The following ABR variants were observed in gnomAD, a reference collection of about 807,000 sequenced individuals.
ABR encodes the protein ABR activator of RhoGEF and GTPase, also known as active breakpoint cluster region-related protein.
ABR carries 35 observed loss-of-function variants against 107.2 expected under a neutral mutation model. The ratio of observed to expected loss-of-function variants is 0.33; its 90% CI spans 0.25 to 0.43. The LOEUF (loss-of-function observed/expected upper bound fraction) is 0.43. Among genes scored for constraint, ABR ranks in the 20% least tolerant of loss-of-function variants. The pLI is 1.00. For synonymous variants in ABR, 498 were observed against 462.0 expected, an observed-to-expected ratio of 1.08 and a Z score of -1.00; for missense variants, 815 against 1,115.2, an observed-to-expected ratio of 0.73 and a Z score of 3.83.
At chr17:1,175,874 G>A (rs901669453) in intron 1 of ABR, among the ~76,000 whole-genome samples, 15 of 151,948 alleles carry the variant, frequency 9.9e-5, no homozygotes, top group African/African-American at 2.9e-4. Context: ...GGTGGATCAC[G>A]AGGTCAGGAG....
At chr17:1,153,211 C>T (rs1402264932) in intron 1 of ABR, among the ~76,000 whole-genome samples, 1 of 152,240 alleles carries the variant, frequency 6.6e-6, no homozygotes, top group Admixed American at 6.5e-5. Context: ...CCCACCATAC[C>T]CCTTCCCCCA....
At chr17:1,223,324 C>CACACACACACA (rs1256655837) in intron 1 of ABR, among the ~76,000 whole-genome samples, 4 of 151,950 alleles carry the variant, frequency 2.6e-5, no homozygotes, top group African/African-American at 9.7e-5. Flanking sequence ...CACACACACA[C>CACACACACACA]ACAGAGACAC....
chr17:1,091,538 G>T, intron 4 of ABR, 127 bp downstream of exon 4: 1 of 1,096,794 alleles, frequency 9.1e-7, no homozygotes, highest in Non-Finnish European at 1.3e-6. Context: ...CCTTCCTCCC[G>T]GACTCGGAGA....
At chr17:1,075,571 C>T (rs1026620606) in intron 6 of ABR, among the ~76,000 whole-genome samples, 2 of 139,132 alleles carry the variant, frequency 1.4e-5, no homozygotes, top group Non-Finnish European at 3.0e-5. Flanking sequence ...ACTGGGGGAG[C>T]GGTTAAAAGA....
intron 3 of ABR, 21 bp from the exon 4 acceptor site, chr17:1,091,871 A>G: frequency 6.2e-7 from 1 of 1,607,622 alleles, no homozygotes. Context: ...CAGAGGAAGA[A>G]AGAGCAGAGG....
At chr17:1,223,923 C>T (rs1037508321) in intron 1 of ABR, among the ~76,000 whole-genome samples, 3 of 152,162 alleles carry the variant, frequency 2.0e-5, no homozygotes, top group Non-Finnish European at 4.4e-5. Flanking sequence ...GTGGGGATGA[C>T]AATTCGAGAT....
Position 1,157,661 on chromosome 17 carries a change from G to A in ABR, c.61+22006C>T, listed in dbSNP as rs1002002737. Among the ~76,000 whole-genome samples the A allele has an allele frequency of 4.6e-5, 7 of 152,260 alleles. No homozygotes were observed. Among genetic ancestry groups the A allele is most frequent in the Non-Finnish European group, 5.9e-5 (4 of 68,040 alleles). On this transcript the variant is annotated intron_variant, in intron 1 of 22. Transcript: ENST00000302538. This position sits in a 1 kb window ranked among gnomAD's most constrained non-coding sequence, Gnocchi z 4.7. ...CTGCTGGAACACGCCCAGCGGAACA[G>A]GGGGAAGCCAACAATCCCGGCAGAT...
chr17:1,108,589 G>A (rs2038416366), intron 2 of ABR, among the ~76,000 whole-genome samples: 1 of 152,272 alleles, frequency 6.6e-6, no homozygotes, highest in Non-Finnish European at 1.5e-5. Flanking sequence ...CTGGGAAGAG[G>A]GTGGCCCCTC....
At chr17:1,076,731 G>C (rs1342769245) in intron 6 of ABR, among the ~76,000 whole-genome samples, 1 of 135,740 alleles carries the variant, frequency 7.4e-6, no homozygotes, top group Admixed American at 6.9e-5. Flanking sequence ...GGTGGGGGTG[G>C]GGGGGGTGGC....
intron 1 of ABR, among the ~76,000 whole-genome samples, chr17:1,163,021 G>A (rs1008707322): frequency 4.6e-5 from 7 of 152,296 alleles, no homozygotes; most frequent in African/African-American, 1.2e-4. Flanking sequence ...GCAGTGAGCC[G>A]AGATCCTGCC....
chr17:1,163,256 T>C (rs559328530), intron 1 of ABR, among the ~76,000 whole-genome samples: 1 of 152,350 alleles, frequency 6.6e-6, no homozygotes. Flanking sequence ...TTAGCTATTA[T>C]CACTGGCCAC....
chr17:1,145,971 C>A (rs116630568), intron 1 of ABR, among the ~76,000 whole-genome samples: 1,719 of 152,304 alleles, frequency 0.011, 22 homozygotes, highest in African/African-American at 0.04. Flanking sequence ...CTTCCTGGGC[C>A]TTAAACATAA....
rs138931698 is a variant in ABR at position 1,095,008 on chromosome 17, G to A, written c.346-3158C>T. On this transcript the variant is annotated intron_variant, in intron 3 of 22. Transcript: ENST00000302538. ...AACTAGCTTCAGGATTGACATCGTC[G>A]TAAGAGTTTATCCTTTTCACCTCAA... is the stretch of plus-strand genomic sequence containing the variant. Among the ~76,000 whole-genome samples the A allele has an allele frequency of 6.1e-3, 923 of 152,324 alleles. 9 individuals carry two copies. Among genetic ancestry groups the A allele is most frequent in the African/African-American group, 0.021 (856 of 41,564 alleles).
chr17:1,161,761 G>A (rs1227543029), intron 1 of ABR, among the ~76,000 whole-genome samples: 1 of 151,450 alleles, frequency 6.6e-6, no homozygotes, highest in Non-Finnish European at 1.5e-5. Context: ...CACCATGTTG[G>A]CCAGGCTGGT....
At chr17:1,159,286 GGT>G (rs2041170843) in intron 1 of ABR, among the ~76,000 whole-genome samples, 1 of 14,096 alleles carries the variant, frequency 7.1e-5, no homozygotes, top group African/African-American at 4.3e-4. Flanking sequence ...ACACGGGAGA[GGT>G]AAGAATGCGG....
At chr17:1,079,960 C>A (rs1278982271) in intron 5 of ABR, among the ~76,000 whole-genome samples, 3 of 152,116 alleles carry the variant, frequency 2.0e-5, no homozygotes, top group Middle Eastern at 6.8e-3. Flanking sequence ...CTCCAGGTCC[C>A]AGAGATGAGA....
intron 1 of ABR, among the ~76,000 whole-genome samples, chr17:1,168,871 C>T (rs1173613927): frequency 1.3e-5 from 2 of 152,248 alleles, no homozygotes; most frequent in East Asian, 3.8e-4. Context: ...GAAGATTCTA[C>T]ACCCAAAGAT....
intron 1 of ABR, among the ~76,000 whole-genome samples, chr17:1,145,132 TG>T (rs1291563740): frequency 3.0e-4 from 45 of 152,304 alleles, no homozygotes; most frequent in African/African-American, 1.1e-3. Context: ...CCCCGCGAGG[TG>T]GTGGCCCTCT....
intron 2 of ABR, among the ~76,000 whole-genome samples, chr17:1,104,815 C>A (rs1277310740): frequency 2.0e-5 from 3 of 152,104 alleles, no homozygotes; most frequent in Admixed American, 2.0e-4. Flanking sequence ...TTCCAGTGGC[C>A]CCTCTCTCCT....
Sources: gnomAD v4.1 joint callset for allele counts (sites outside exome capture counted in the v4.1 genomes callset) on GRCh38, gnomAD v4.1.1 for gene constraint, Gnocchi (gnomAD v3.1) non-coding constraint, MANE v1.5 for transcripts, NCBI Gene and HGNC (gene_info 2026-07-23, HGNC 2026-07-21) for gene names.